ZNF879: variants seen among roughly 807,000 people sequenced by gnomAD.
ZNF879 encodes the protein zinc finger protein 879.
ZNF879 carries 32 observed loss-of-function variants against 44.3 expected under a neutral mutation model. The observed-to-expected ratio is 0.72, with a 90% confidence interval of 0.54 to 0.97. The LOEUF (loss-of-function observed/expected upper bound fraction) is 0.97. ZNF879 is among the 50% of genes least tolerant of loss of function. The probability of loss-of-function intolerance (pLI) is 0.00; values close to 1 mark genes in which losing one functional copy is unlikely to be tolerated. For synonymous variants in ZNF879, 234 were observed against 233.2 expected, an observed-to-expected ratio of 1.00 and a Z score of -0.03; for missense variants, 621 against 669.7, an observed-to-expected ratio of 0.93 and a Z score of 0.80.
intron 2 of ZNF879, 107 bp downstream of exon 2, chr5:179,025,144 A>G: frequency 7.8e-7 from 1 of 1,281,298 alleles, no homozygotes; most frequent in Non-Finnish European, 1.1e-6. Flanking sequence ...GGGAAGGACC[A>G]GAGGGCTTGG....
intron 4 of ZNF879, among the ~76,000 whole-genome samples, chr5:179,029,949 C>T (rs1761377440): frequency 6.6e-6 from 1 of 152,094 alleles, no homozygotes; most frequent in Admixed American, 6.5e-5. Flanking sequence ...ACCAGTTTTT[C>T]TCTGTTACTA....
At chr5:179,026,230 G>T (rs1402130480) in intron 2 of ZNF879, among the ~76,000 whole-genome samples, 2 of 152,222 alleles carry the variant, frequency 1.3e-5, no homozygotes, top group Non-Finnish European at 2.9e-5. Context: ...AGTGCTAGGG[G>T]AGTTACATAA....
intron 4 of ZNF879, among the ~76,000 whole-genome samples, chr5:179,029,986 C>G (rs17665945): frequency 0.31 from 46,880 of 151,996 alleles, 8,483 homozygotes; most frequent in South Asian, 0.52. Flanking sequence ...TATGGGAATA[C>G]AAAGCCATAA....
intron 2 of ZNF879, among the ~76,000 whole-genome samples, chr5:179,025,528 T>C (rs1191939892): frequency 6.6e-6 from 1 of 152,204 alleles, no homozygotes; most frequent in Non-Finnish European, 1.5e-5. Flanking sequence ...TTAATGGGGC[T>C]CCAATGCCAG....
chr5:179,028,152 TG>T, intron 4 of ZNF879, 25 bp downstream of exon 4: 1 of 1,545,090 alleles, frequency 6.5e-7, no homozygotes, highest in South Asian at 1.2e-5. Context: ...AATTGGGAGA[TG>T]GGCATAACAT....
intron 4 of ZNF879, 101 bp downstream of exon 4, chr5:179,028,228 G>A: frequency 1.9e-6 from 2 of 1,029,756 alleles, no homozygotes; most frequent in Non-Finnish European, 2.9e-6. Context: ...GCCAGGCCAG[G>A]GGGAAATGCT....
At chr5:179,029,566 A>G (rs1761367682) in intron 4 of ZNF879, among the ~76,000 whole-genome samples, 1 of 152,224 alleles carries the variant, frequency 6.6e-6, no homozygotes, top group South Asian at 2.1e-4. Flanking sequence ...CAAATAAATC[A>G]TTGGTATCAC....
chr5:179,028,240 G>C, intron 4 of ZNF879, 113 bp downstream of exon 4: 1 of 909,636 alleles, frequency 1.1e-6, no homozygotes, highest in Non-Finnish European at 1.7e-6. Context: ...GGAAATGCTG[G>C]GAAGGTAGAT....
intron 4 of ZNF879, among the ~76,000 whole-genome samples, chr5:179,030,880 A>AT (rs1221550712): frequency 2.6e-5 from 4 of 152,196 alleles, no homozygotes; most frequent in African/African-American, 9.7e-5. Flanking sequence ...TTCTCCCAGT[A>AT]TTCCCCAATA....
Position 179,033,817 on chromosome 5 carries a change from G to C in ZNF879, c.*177G>C, listed in dbSNP as rs1761507673. The C allele has an allele frequency of 2.1e-6, 1 of 486,772 alleles. No individual in the cohort carries two copies. Among genetic ancestry groups the C allele is most frequent in the African/African-American group, 2.0e-5 (1 of 50,274 alleles). The allele number at this position is 486,772 out of a possible 1,614,324, so 30.2% of individuals were successfully genotyped here. ...GGGTAACCTTGGGAATGCTAGAAAA[G>C]CTTCTATAAAATGTTTATTCATATG... On this transcript the variant is annotated 3_prime_UTR_variant, in exon 5 of 5. Transcript: ENST00000444149.
chr5:179,025,035 C>T lies in ZNF879; in HGVS notation c.31C>T (p.Gln11Ter). 2 of 1,551,532 alleles carry T rather than the reference C, an allele frequency of 1.3e-6. No homozygotes were observed. Among genetic ancestry groups the T allele is most frequent in the Non-Finnish European group, 1.7e-6 (2 of 1,146,884 alleles). The change falls in exon 2 of 5, where the codon CAG becomes TAG. Residue 11 changes from glutamine (Q) to a stop codon, truncating the protein, a stop_gained and splice_region_variant. Coordinates refer to ENST00000444149, the MANE Select transcript of ZNF879 (RefSeq NM_001136116.3). LOFTEE classifies it high-confidence loss of function. The stretch of plus-strand genomic sequence containing the variant: ...AAGGAGGTTGCTGCCAGCCCATGTA[C>T]AGGTGAGTGAAGGCTTCTTTTTGCT... MARRLLPAHV[Q>*]ESVTFRDVAV...
At position 179,034,254 on chromosome 5, in the gene ZNF879, A is replaced by G. The variant is rs1024913682; in HGVS notation, c.*614A>G. On this transcript the variant is annotated 3_prime_UTR_variant, in exon 5 of 5. Transcript: ENST00000444149. ...CTGTCTTTGCGTTTTCTTCCTGACTACTTGTTCCAAACTCTGAGTCAGATC... is the reference window on the plus strand; with the variant it reads ...CTGTCTTTGCGTTTTCTTCCTGACTGCTTGTTCCAAACTCTGAGTCAGATC... 11 of 150,900 alleles carry G rather than the reference A, an allele frequency of 7.3e-5. No individual in the cohort carries two copies. Among genetic ancestry groups the G allele is most frequent in the African/African-American group, 2.7e-4 (11 of 41,186 alleles). The allele number at this position is 150,900 out of a possible 1,614,324, so 9.3% of individuals were successfully genotyped here. A position where few individuals can be genotyped will look rare whatever the true frequency, so the allele number is the denominator to read the frequency against.
chr5:179,024,598 A>G (rs144808696), intron 1 of ZNF879: 79 of 168,968 alleles, frequency 4.7e-4, no homozygotes, highest in Admixed American at 9.9e-4. Context: ...TCAGTTCTTC[A>G]ACTGCTGTTT....
chr5:179,027,918 A>G, intron 3 of ZNF879, 114 bp from the exon 4 acceptor site: 1 of 935,158 alleles, frequency 1.1e-6, no homozygotes, highest in Non-Finnish European at 1.6e-6. Context: ...CCCAGTTTGA[A>G]GCCTCTCAGA....
In ZNF879 at chr5:179,033,738, A is replaced by T; in HGVS notation, c.*98A>T. ...AGAAAGTGATGAAGAGTAGTTAATC[A>T]TAGGTAAAACTTCAGCATTAGACCT... On this transcript the variant is annotated 3_prime_UTR_variant, in exon 5 of 5. Coordinates refer to ENST00000444149, the MANE Select transcript of ZNF879 (RefSeq NM_001136116.3). 1.1e-6 allele frequency: 1 copy of T among 939,744 alleles called. No homozygotes were observed. Among genetic ancestry groups the T allele is most frequent in the South Asian group, 1.9e-5 (1 of 51,710 alleles). The allele number at this position is 939,744 out of a possible 1,614,324, so 58.2% of individuals were successfully genotyped here.
chr5:179,034,696 C>G lies in ZNF879; in HGVS notation c.*1056C>G, dbSNP rs955924858. 6.6e-6 allele frequency: 1 copy of G among 152,236 alleles called. No homozygotes were observed. The highest frequency in any genetic ancestry group is 2.1e-4 in the South Asian group (1 of 4,832). 9.4% of individuals were successfully genotyped at this position (152,236 alleles called of 1,614,324 possible). A position where few individuals can be genotyped will look rare whatever the true frequency, so the allele number is the denominator to read the frequency against. On this transcript the variant is annotated 3_prime_UTR_variant, in exon 5 of 5. Coordinates refer to ENST00000444149, the MANE Select transcript of ZNF879 (RefSeq NM_001136116.3). ...CTCTTTCTTCCAGCAAATGGACTTA[C>G]ACTCTTCAACAAGTGATTTAGCTCA... is the stretch of plus-strand genomic sequence containing the variant.
chr5:179,033,740 A>G lies in ZNF879; in HGVS notation c.*100A>G. ...AAAGTGATGAAGAGTAGTTAATCAT[A>G]GGTAAAACTTCAGCATTAGACCTCA... On this transcript the variant is annotated 3_prime_UTR_variant, in exon 5 of 5. Transcript: ENST00000444149. 1.1e-6 allele frequency: 1 copy of G among 895,932 alleles called. No homozygotes were observed. Among genetic ancestry groups the G allele is most frequent in the Non-Finnish European group, 1.6e-6 (1 of 606,704 alleles). 55.5% of individuals were successfully genotyped at this position (895,932 alleles called of 1,614,324 possible). A position where few individuals can be genotyped will look rare whatever the true frequency, so the allele number is the denominator to read the frequency against.
chr5:179,027,262 A>G (rs1194443044), intron 2 of ZNF879, among the ~76,000 whole-genome samples: 1 of 152,176 alleles, frequency 6.6e-6, no homozygotes, highest in African/African-American at 2.4e-5. Flanking sequence ...CATGGGTTCA[A>G]GTGCTTCTCT....
intron 2 of ZNF879, among the ~76,000 whole-genome samples, chr5:179,026,659 A>C (rs1269250159): frequency 6.6e-6 from 1 of 152,072 alleles, no homozygotes; most frequent in Non-Finnish European, 1.5e-5. Context: ...ATTAAAAAAA[A>C]ATTATTTTTT....
Sources: gnomAD v4.1 joint callset for allele counts (sites outside exome capture counted in the v4.1 genomes callset) on GRCh38, gnomAD v4.1.1 for gene constraint, MANE v1.5 for transcripts, NCBI Gene and HGNC (gene_info 2026-07-23, HGNC 2026-07-21) for gene names.